PRKDC: variants seen among roughly 807,000 people sequenced by gnomAD.
The protein encoded by PRKDC is DNA-dependent protein kinase catalytic subunit.
In PRKDC, 82 loss-of-function variants were observed where a neutral mutation model predicts 486.9. The observed-to-expected ratio is 0.17, with a 90% CI of 0.14 to 0.20. The LOEUF is 0.20. Among genes scored for constraint, PRKDC ranks in the 10% least tolerant of loss-of-function variants. The pLI is 1.00. For missense variants in PRKDC, 4,504 were observed against 5,038.2 expected, an observed-to-expected ratio of 0.89 and a Z score of 3.21; for synonymous variants, 1,895 against 1,837.0, an observed-to-expected ratio of 1.03 and a Z score of -0.81.
intron 29 of PRKDC, among the ~76,000 whole-genome samples, chr8:47,897,708 C>A (rs572301640): frequency 6.6e-6 from 1 of 152,194 alleles, no homozygotes; most frequent in African/African-American, 2.4e-5. Context: ...GTGGGGCCAG[C>A]CCAGCAATCT....
chr8:47,774,294 A>C lies in PRKDC; in HGVS notation c.12266T>G (p.Ile4089Ser), dbSNP rs1229959550. The change falls in exon 86 of 86, where the codon ATT (isoleucine) becomes AGT (serine). Residue 4089 changes from isoleucine to serine, a missense_variant. Physicochemically the swap from Ile to Ser is moderately radical, Grantham distance 142 (BLOSUM62 -2). Transcript: ENST00000314191. ...CCCACTCTCTGGTTCTTGGGCACGA[A>C]TGTTGTGATCTTTGCTTCCTCGTGC... Reference protein sequence around the residue: ...AVARGSKDHNIRAQEPESGLS... With the variant: ...AVARGSKDHNSRAQEPESGLS... The C allele has an allele frequency of 3.7e-6, 6 of 1,612,740 alleles. No homozygotes were observed. The East Asian group carries it at 1.3e-4, about 36-fold the overall frequency.
chr8:47,897,387 A>G (rs1300293848), intron 29 of PRKDC, 93 bp from the exon 30 acceptor site: 13 of 1,246,102 alleles, frequency 1.0e-5, no homozygotes, highest in Non-Finnish European at 1.3e-5. Context: ...TCTTTATCAC[A>G]CAGATATATG....
intron 54 of PRKDC, among the ~76,000 whole-genome samples, chr8:47,841,105 A>C (rs2088130982): frequency 6.6e-6 from 1 of 152,122 alleles, no homozygotes; most frequent in Non-Finnish European, 1.5e-5. Context: ...GAGTGACTAT[A>C]TGGGGCAATC....
At chr8:47,806,224 C>T (rs556865479) in intron 69 of PRKDC, among the ~76,000 whole-genome samples, 1 of 152,308 alleles carries the variant, frequency 6.6e-6, no homozygotes, top group South Asian at 2.1e-4. Context: ...CCCACTCTTA[C>T]TAGACAGTAA....
intron 21 of PRKDC, among the ~76,000 whole-genome samples, chr8:47,919,835 G>A (rs1358400125): frequency 3.3e-5 from 5 of 151,518 alleles, no homozygotes; most frequent in African/African-American, 1.2e-4. Context: ...TTGGGGAACA[G>A]GCCCCCAAAT....
intron 15 of PRKDC, among the ~76,000 whole-genome samples, chr8:47,933,529 A>G (rs181431932): frequency 9.8e-5 from 15 of 152,372 alleles, no homozygotes; most frequent in South Asian, 2.1e-4. Context: ...TATAGACACT[A>G]TATCTTTTAT....
chr8:47,947,580 C>T (rs547880115), intron 7 of PRKDC, among the ~76,000 whole-genome samples: 17 of 152,208 alleles, frequency 1.1e-4, no homozygotes, highest in African/African-American at 2.9e-4. Context: ...CAAGCCTGAC[C>T]GACATGGTGA....
intron 73 of PRKDC, among the ~76,000 whole-genome samples, chr8:47,797,027 C>T (rs2086998402): frequency 1.3e-5 from 2 of 152,084 alleles, no homozygotes. Context: ...TCCTCTGATA[C>T]TTTTAAGGTG....
At chr8:47,923,167 G>C (rs1019236446) in intron 21 of PRKDC, among the ~76,000 whole-genome samples, 2 of 151,676 alleles carry the variant, frequency 1.3e-5, no homozygotes, top group East Asian at 3.9e-4. Context: ...GGGTTCAAGT[G>C]GTTCTCTGGT....
chr8:47,808,949 AG>A (rs1222494552), intron 68 of PRKDC, among the ~76,000 whole-genome samples: 2 of 151,932 alleles, frequency 1.3e-5, no homozygotes, highest in African/African-American at 4.8e-5. Flanking sequence ...GCCTGAGCTC[AG>A]GAATTTGAGG....
At chr8:47,783,278 CAAAAAAAAAAAAGA>C (rs2086728243) in intron 78 of PRKDC, among the ~76,000 whole-genome samples, 4 of 56,202 alleles carry the variant, frequency 7.1e-5, no homozygotes, top group Non-Finnish European at 6.9e-5. Context: ...ACTCTTGTCT[CAAAAAAAAAAAAGA>C]AAAAAAAAAA....
At position 47,819,087 on chromosome 8, in the gene PRKDC, C is replaced by T. The variant is rs536583126; in HGVS notation, c.9445+315G>A. On this transcript the variant is annotated intron_variant, in intron 67 of 85. Transcript: ENST00000314191. ...TCAGGACCCTCCTCCAGGAGTCCTG[C>T]ACCCTCTCAGGCCAGGGTGGGCCCC... 1.1e-3 allele frequency among the ~76,000 whole-genome samples: 165 copies of T among 152,338 alleles called. 1 individual carries two copies. Among genetic ancestry groups the T allele is most frequent in the Non-Finnish European group, 2.1e-3 (141 of 68,016 alleles).
chr8:47,817,549 G>A lies in PRKDC; in HGVS notation c.9458C>T (p.Ser3153Phe). ...CAGAAGTCTCTTAAGGGGAACTTGA[G>A]ATGATAAATTGCCTAAAAATAGTAT... ...SFISKQGNLS[S>F]QVPLKRLLNT... The change falls in exon 68 of 86, where the codon TCT becomes TTT. Residue 3153 changes from serine to phenylalanine, a missense_variant. By Grantham distance (155) the Ser-to-Phe change is radical. This residue lies in a region of PRKDC where 1,592 missense variants were observed against 1,724.6 expected (regional missense o/e 0.92). Coordinates refer to ENST00000314191, the MANE Select transcript of PRKDC (RefSeq NM_006904.7). 6.3e-7 allele frequency: 1 copy of A among 1,597,544 alleles called. No homozygotes were observed. Among genetic ancestry groups the A allele is most frequent in the South Asian group, 1.1e-5 (1 of 88,604 alleles).
At chr8:47,864,506 C>T (rs1420614830) in intron 41 of PRKDC, 50 bp downstream of exon 41, 1 of 1,509,812 alleles carries the variant, frequency 6.6e-7, no homozygotes, top group Non-Finnish European at 9.0e-7. Context: ...CTAGGCACAC[C>T]AGTCAAGTAG....
chr8:47,819,622 T>C (rs2087538071), intron 66 of PRKDC, 112 bp from the exon 67 acceptor site: 1 of 490,670 alleles, frequency 2.0e-6, no homozygotes, highest in South Asian at 5.3e-5. Flanking sequence ...GTAGCAATTA[T>C]TCTATAAATA....
chr8:47,871,600 T>C (rs961430838), intron 40 of PRKDC, among the ~76,000 whole-genome samples: 6 of 152,130 alleles, frequency 3.9e-5, no homozygotes, highest in Non-Finnish European at 8.8e-5. Flanking sequence ...TTTGTTGTTG[T>C]TGTTTTTGTT....
intron 64 of PRKDC, among the ~76,000 whole-genome samples, chr8:47,822,330 G>A (rs2087619711): frequency 6.7e-6 from 1 of 150,372 alleles, no homozygotes; most frequent in South Asian, 2.1e-4. Flanking sequence ...CTAGGAGGAA[G>A]CCATTTCTCT....
chr8:47,930,375 C>G (rs1199074685), intron 17 of PRKDC, among the ~76,000 whole-genome samples: 1 of 152,170 alleles, frequency 6.6e-6, no homozygotes, highest in African/African-American at 2.4e-5. Flanking sequence ...CGGGTTCATG[C>G]CATTCTCCTG....
At chr8:47,829,327 TTAAA>T (rs2087810581) in intron 61 of PRKDC, among the ~76,000 whole-genome samples, 2 of 152,228 alleles carry the variant, frequency 1.3e-5, no homozygotes, top group Non-Finnish European at 2.9e-5. Flanking sequence ...AATTACATTA[TTAAA>T]TGAATGTTCT....
Sources: gnomAD v4.1 joint callset for allele counts (sites outside exome capture counted in the v4.1 genomes callset) on GRCh38, gnomAD v4.1.1 for gene constraint, gnomAD v4.1.1 regional missense constraint, MANE v1.5 for transcripts, NCBI Gene and HGNC (gene_info 2026-07-23, HGNC 2026-07-21) for gene names.